The following MED12L variants were observed in gnomAD, a reference collection of about 807,000 sequenced individuals.
MED12L encodes the protein mediator of RNA polymerase II transcription subunit 12-like protein.
In MED12L, 60 loss-of-function variants were observed where a neutral mutation model predicts 281.3. That is an observed-to-expected ratio of 0.21 (90% CI 0.17 to 0.26). The LOEUF is 0.26. Ranked by LOEUF, MED12L falls within the 10% of genes least tolerant of loss-of-function variation. The probability of loss-of-function intolerance (pLI) is 1.00; values close to 1 mark genes in which losing one functional copy is unlikely to be tolerated. For synonymous variants in MED12L, 974 were observed against 987.2 expected (o/e 0.99, Z 0.25); for missense variants, 2,146 against 2,680.9 (o/e 0.80, Z 4.41).
intron 16 of MED12L, among the ~76,000 whole-genome samples, chr3:151,245,212 C>G (rs551409720): frequency 1.3e-5 from 2 of 152,312 alleles, no homozygotes; most frequent in East Asian, 3.9e-4. Flanking sequence ...TGGTACCATT[C>G]CTTCTGAAAC....
At chr3:151,113,207 C>A (rs1712194333) in intron 2 of MED12L, among the ~76,000 whole-genome samples, 1 of 152,150 alleles carries the variant, frequency 6.6e-6, no homozygotes, top group Non-Finnish European at 1.5e-5. Context: ...TTAAGGTGGT[C>A]AGGTCATTGA....
rs538457818 is a variant in MED12L at position 151,095,869 on chromosome 3, G to A, written c.99+8844G>A. 3.3e-5 allele frequency among the ~76,000 whole-genome samples: 5 copies of A among 152,200 alleles called. No individual in the cohort carries two copies. In the South Asian group the frequency reaches 8.3e-4, roughly 25 times the overall value. ...TAGCCTGGGCAACATAGTGAGAGCC[G>A]ATCTCAAAAGAAAGCCAGATTATCA... On this transcript the variant is annotated intron_variant, in intron 2 of 44. Coordinates refer to ENST00000687756, the MANE Select transcript of MED12L (RefSeq NM_001393769.1).
intron 2 of MED12L, among the ~76,000 whole-genome samples, chr3:151,114,763 T>C (rs1039588697): frequency 5.3e-5 from 8 of 152,080 alleles, no homozygotes; most frequent in Non-Finnish European, 1.0e-4. Context: ...GGTTTTTTTT[T>C]TTTTTCTTTT....
intron 39 of MED12L, among the ~76,000 whole-genome samples, 163 bp from the exon 40 acceptor site, chr3:151,409,080 A>G (rs1716670163): frequency 6.6e-6 from 1 of 152,266 alleles, no homozygotes; most frequent in Admixed American, 6.5e-5. Flanking sequence ...CAGTCTAAAC[A>G]CATAGGATAT....
At chr3:151,218,411 G>C (rs1267661537) in intron 16 of MED12L, among the ~76,000 whole-genome samples, 1 of 152,146 alleles carries the variant, frequency 6.6e-6, no homozygotes, top group Non-Finnish European at 1.5e-5. Context: ...GTGTCTGTTT[G>C]TGGAGCCCTG....
rs756545023 is a variant in MED12L at position 151,328,316 on chromosome 3, C to T, written c.2251-21743C>T. ...GCCTTCCAGCTTTTTGTTGTTTTTT[C>T]TGTCCTTACTTTTGGACTTTCTATA... is the stretch of plus-strand genomic sequence containing the variant. On this transcript the variant is annotated intron_variant, in intron 16 of 44. Coordinates refer to ENST00000687756, the MANE Select transcript of MED12L (RefSeq NM_001393769.1). The T allele has an allele frequency of 2.5e-6, 4 of 1,613,570 alleles. No homozygotes were observed. The African/African-American group carries it at 4.0e-5, about 16-fold the overall frequency.
At chr3:151,384,429 A>G (rs997410398) in intron 35 of MED12L, among the ~76,000 whole-genome samples, 2 of 152,260 alleles carry the variant, frequency 1.3e-5, no homozygotes, top group Non-Finnish European at 2.9e-5. Context: ...ATTACATTAT[A>G]AAACATGTTT....
chr3:151,332,692 A>G (rs530711029), intron 16 of MED12L, among the ~76,000 whole-genome samples: 18 of 152,256 alleles, frequency 1.2e-4, no homozygotes, highest in Non-Finnish European at 2.4e-4. Flanking sequence ...TTATTTATGT[A>G]TTGGATTTTT....
At chr3:151,390,567 C>T (rs1381302461) in intron 38 of MED12L, among the ~76,000 whole-genome samples, 5 of 152,102 alleles carry the variant, frequency 3.3e-5, no homozygotes, top group African/African-American at 1.2e-4. Flanking sequence ...GGAAAACTAC[C>T]ATAGTAAATG....
At chr3:151,414,286 A>T (rs567857430) in intron 42 of MED12L, among the ~76,000 whole-genome samples, 1 of 152,326 alleles carries the variant, frequency 6.6e-6, no homozygotes, top group African/African-American at 2.4e-5. Flanking sequence ...GAGACTGTAC[A>T]GTGGGCTCTA....
intron 5 of MED12L, among the ~76,000 whole-genome samples, chr3:151,129,089 A>G (rs866630545): frequency 6.6e-6 from 1 of 152,256 alleles, no homozygotes; most frequent in African/African-American, 2.4e-5. Context: ...ATAATTCCTT[A>G]TGAAATGAAA....
chr3:151,152,341 A>G (rs556871094), intron 5 of MED12L, among the ~76,000 whole-genome samples: 4 of 152,014 alleles, frequency 2.6e-5, no homozygotes, highest in African/African-American at 4.8e-5. Flanking sequence ...GTCTCAAGCA[A>G]TCGTCCTGCC....
chr3:151,102,894 A>G (rs564211322), intron 2 of MED12L, among the ~76,000 whole-genome samples: 1 of 152,306 alleles, frequency 6.6e-6, no homozygotes, highest in East Asian at 1.9e-4. Flanking sequence ...GGTGGGAAAG[A>G]AGGATAAAAG....
intron 39 of MED12L, among the ~76,000 whole-genome samples, chr3:151,408,890 T>C (rs1004571057): frequency 6.6e-6 from 1 of 152,226 alleles, no homozygotes; most frequent in African/African-American, 2.4e-5. Flanking sequence ...TTATAGGCAC[T>C]GGGTAGTGCA....
intron 16 of MED12L, among the ~76,000 whole-genome samples, chr3:151,307,707 A>G (rs934662797): frequency 4.6e-5 from 7 of 152,108 alleles, no homozygotes; most frequent in African/African-American, 1.7e-4. Context: ...CAAGTGAGGG[A>G]ACTGAGCAGG....
chr3:151,238,285 T>A (rs1733348097), intron 16 of MED12L, among the ~76,000 whole-genome samples: 1 of 152,218 alleles, frequency 6.6e-6, no homozygotes, highest in South Asian at 2.1e-4. Flanking sequence ...TAGCTGGGAC[T>A]ACAGGCACCT....
intron 22 of MED12L, among the ~76,000 whole-genome samples, chr3:151,365,632 A>G (rs1233977335): frequency 2.0e-5 from 3 of 150,134 alleles, no homozygotes; most frequent in South Asian, 2.2e-4. Flanking sequence ...TGTACTGATT[A>G]TTGTTTGTTG....
intron 16 of MED12L, among the ~76,000 whole-genome samples, chr3:151,220,886 C>T (rs1032339274): frequency 2.6e-5 from 4 of 152,212 alleles, no homozygotes; most frequent in Non-Finnish European, 5.9e-5. Flanking sequence ...AACTTTGGAA[C>T]TGGGCAACAG....
intron 16 of MED12L, chr3:151,203,119 G>A (rs1725875331): frequency 6.6e-6 from 1 of 152,140 alleles, no homozygotes. Context: ...GCTATCTTCT[G>A]TGAGCCTCAG....
Sources: gnomAD v4.1 joint callset for allele counts (sites outside exome capture counted in the v4.1 genomes callset) on GRCh38, gnomAD v4.1.1 for gene constraint, MANE v1.5 for transcripts, NCBI Gene and HGNC (gene_info 2026-07-23, HGNC 2026-07-21) for gene names.